The following FANCL variants were observed in gnomAD, a reference collection of about 807,000 sequenced individuals.
FANCL encodes the protein E3 ubiquitin-protein ligase FANCL.
FANCL carries 69 observed loss-of-function variants against 59.4 expected under a neutral mutation model. The ratio of observed to expected loss-of-function variants is 1.16; its 90% confidence interval spans 0.96 to 1.42. The LOEUF (loss-of-function observed/expected upper bound fraction) is 1.42. Ranked by LOEUF, FANCL falls within the 40% of genes most tolerant of loss-of-function variation. The pLI is 0.00. For synonymous variants in FANCL, 180 were observed against 147.1 expected, an observed-to-expected ratio of 1.22 and a Z score of -1.62; for missense variants, 519 against 447.2, an observed-to-expected ratio of 1.16 and a Z score of -1.45.
chr2:58,212,407 T>G (rs376041448), intron 5 of FANCL, among the ~76,000 whole-genome samples: 1 of 152,126 alleles, frequency 6.6e-6, no homozygotes, highest in Non-Finnish European at 1.5e-5. Context: ...CAAGATGAGA[T>G]TTGGGTGGGG....
At chr2:58,183,405 T>TC (rs1688112559) in intron 7 of FANCL, among the ~76,000 whole-genome samples, 1 of 151,874 alleles carries the variant, frequency 6.6e-6, no homozygotes, top group Non-Finnish European at 1.5e-5. Flanking sequence ...GATAGCTTAA[T>TC]CCCATGGTTT....
chr2:58,195,123 T>C (rs1689304388), intron 7 of FANCL, among the ~76,000 whole-genome samples: 1 of 152,100 alleles, frequency 6.6e-6, no homozygotes, highest in Non-Finnish European at 1.5e-5. Flanking sequence ...GTTTAAAAAT[T>C]GTTTTAAAAA....
At chr2:58,210,354 C>G (rs1200144813) in intron 5 of FANCL, among the ~76,000 whole-genome samples, 2 of 152,080 alleles carry the variant, frequency 1.3e-5, no homozygotes, top group Non-Finnish European at 2.9e-5. Context: ...AAGCAGAAAC[C>G]CAATAAAACC....
intron 5 of FANCL, among the ~76,000 whole-genome samples, chr2:58,220,100 AG>A (rs1240313468): frequency 6.6e-6 from 1 of 152,250 alleles, no homozygotes; most frequent in Non-Finnish European, 1.5e-5. Flanking sequence ...GTCCATCTGC[AG>A]TGAAACACTA....
chr2:58,178,540 G>C (rs1687599067), intron 7 of FANCL, among the ~76,000 whole-genome samples: 1 of 152,034 alleles, frequency 6.6e-6, no homozygotes, highest in African/African-American at 2.4e-5. Context: ...ACCCCTTCAT[G>C]CTAAAAACTC....
Position 58,217,875 on chromosome 2 carries a change from C to T in FANCL, c.374+4067G>A, listed in dbSNP as rs943050851. Among the ~76,000 whole-genome samples, 6 of 151,712 alleles carry T rather than the reference C, an allele frequency of 4.0e-5. 1 individual carries two copies. Among genetic ancestry groups the T allele is most frequent in the African/African-American group, 1.5e-4 (6 of 41,314 alleles). On this transcript the variant is annotated intron_variant, in intron 5 of 13. Coordinates refer to ENST00000233741, the MANE Select transcript of FANCL (RefSeq NM_018062.4). Reference sequence around the variant, plus strand: ...GTGAGGAATGAATAAAAGCAAAGCACTGTACCCAACAAGAGATTACATACT... The same window carrying T: ...GTGAGGAATGAATAAAAGCAAAGCATTGTACCCAACAAGAGATTACATACT...
At chr2:58,203,488 C>T (rs1161446734) in intron 6 of FANCL, among the ~76,000 whole-genome samples, 2 of 151,626 alleles carry the variant, frequency 1.3e-5, no homozygotes, top group African/African-American at 4.8e-5. Context: ...GATTAATATG[C>T]TAAACTTGTT....
At chr2:58,196,648 A>G (rs1413146771) in intron 7 of FANCL, among the ~76,000 whole-genome samples, 1 of 152,002 alleles carries the variant, frequency 6.6e-6, no homozygotes, top group Non-Finnish European at 1.5e-5. Context: ...AGTCTAGTAG[A>G]GAGTCACAAA....
chr2:58,191,655 T>C (rs1688931302), intron 7 of FANCL, among the ~76,000 whole-genome samples: 1 of 151,904 alleles, frequency 6.6e-6, no homozygotes, highest in Non-Finnish European at 1.5e-5. Flanking sequence ...CTTTAACATA[T>C]ACATAATTCA....
rs549538428 is a variant in FANCL at position 58,172,228 on chromosome 2, G to A, written c.541-6354C>T. On this transcript the variant is annotated intron_variant, in intron 7 of 13. Coordinates refer to ENST00000233741, the MANE Select transcript of FANCL (RefSeq NM_018062.4). ...TCTGCAGACTTAAATGTCCCTGTCC[G>A]ACAGCTTTGAAGAGAGCAGTGGTTC... 3.3e-4 allele frequency among the ~76,000 whole-genome samples: 50 copies of A among 152,330 alleles called. 1 individual carries two copies. Among genetic ancestry groups the A allele is most frequent in the African/African-American group, 1.2e-3 (48 of 41,574 alleles).
intron 7 of FANCL, among the ~76,000 whole-genome samples, chr2:58,193,294 T>C (rs1480243507): frequency 6.6e-6 from 1 of 152,088 alleles, no homozygotes; most frequent in African/African-American, 2.4e-5. Context: ...AAAACAATTA[T>C]ACAATGACAC....
chr2:58,187,055 C>T (rs995763159), intron 7 of FANCL, among the ~76,000 whole-genome samples: 10 of 152,164 alleles, frequency 6.6e-5, no homozygotes, highest in Admixed American at 5.9e-4. Context: ...CCCAGCAATC[C>T]CATGACTGGG....
At chr2:58,167,633 A>G (rs192492756) in intron 7 of FANCL, among the ~76,000 whole-genome samples, 4 of 152,358 alleles carry the variant, frequency 2.6e-5, no homozygotes, top group Admixed American at 1.3e-4. Context: ...TGTATTCTTA[A>G]TAAGAAAATA....
chr2:58,224,164 G>T (rs1027992810), intron 4 of FANCL, among the ~76,000 whole-genome samples: 4 of 151,802 alleles, frequency 2.6e-5, no homozygotes, highest in Non-Finnish European at 4.4e-5. Flanking sequence ...CAAGAGAGCT[G>T]TGACTTACAA....
intron 1 of FANCL, among the ~76,000 whole-genome samples, chr2:58,233,076 T>C (rs1293539594): frequency 1.3e-5 from 2 of 152,010 alleles, no homozygotes; most frequent in East Asian, 3.8e-4. Context: ...TTTAAAAAAA[T>C]GAAACAAAAT....
chr2:58,233,075 A>C (rs903416266), intron 1 of FANCL, among the ~76,000 whole-genome samples: 3 of 152,102 alleles, frequency 2.0e-5, no homozygotes, highest in Admixed American at 6.5e-5. Context: ...CTTTAAAAAA[A>C]TGAAACAAAA....
At chr2:58,213,973 G>GCAT (rs1338737730) in intron 5 of FANCL, among the ~76,000 whole-genome samples, 2 of 152,172 alleles carry the variant, frequency 1.3e-5, no homozygotes, top group Non-Finnish European at 2.9e-5. Flanking sequence ...ACTCTAGGGA[G>GCAT]CATCATTCAC....
At chr2:58,192,398 G>C (rs146741933) in intron 7 of FANCL, among the ~76,000 whole-genome samples, 19 of 151,970 alleles carry the variant, frequency 1.3e-4, no homozygotes, top group African/African-American at 4.3e-4. Flanking sequence ...TGGTATTTTA[G>C]TATATGGAGG....
intron 5 of FANCL, among the ~76,000 whole-genome samples, chr2:58,219,336 C>A (rs1294818024): frequency 2.0e-5 from 3 of 150,502 alleles, no homozygotes; most frequent in Non-Finnish European, 1.5e-5. Context: ...AATAAATATC[C>A]ATGAGTCCAT....
Sources: gnomAD v4.1 joint callset for allele counts (sites outside exome capture counted in the v4.1 genomes callset) on GRCh38, gnomAD v4.1.1 for gene constraint, MANE v1.5 for transcripts, NCBI Gene and HGNC (gene_info 2026-07-23, HGNC 2026-07-21) for gene names.